The following IDH3B variants were observed in gnomAD, a reference collection of about 807,000 sequenced individuals.
The protein encoded by IDH3B is isocitrate dehydrogenase [NAD] subunit beta, mitochondrial.
A neutral mutation model predicts 47.5 loss-of-function variants in IDH3B; 40 were observed. The observed-to-expected ratio is 0.84, with a 90% CI of 0.65 to 1.10. The LOEUF (loss-of-function observed/expected upper bound fraction) is 1.10. Among genes scored for constraint, IDH3B ranks in the 50% least tolerant of loss-of-function variants. IDH3B has a pLI of 0.00. For missense variants in IDH3B, 450 were observed against 505.2 expected (o/e 0.89, Z 1.05); for synonymous variants, 185 against 191.0 (o/e 0.97, Z 0.26).
At chr20:2,663,810 G>A (rs1000768464) in intron 2 of IDH3B, 52 bp from the exon 3 acceptor site, 12 of 1,603,530 alleles carry the variant, frequency 7.5e-6, no homozygotes, top group Non-Finnish European at 9.4e-6. Flanking sequence ...GCGGGAGCAC[G>A]GATCCTGGGA....
In IDH3B at chr20:2,658,684, C is replaced by A. The variant is rs772565803; in HGVS notation, c.*67G>T. The stretch of plus-strand genomic sequence containing the variant: ...ACTGCTTAGAGGCACAAGGTCTCTT[C>A]CCTGGTACACTGCACTGAAGGGTAT... On this transcript the variant is annotated 3_prime_UTR_variant, in exon 12 of 12. Transcript: ENST00000380843. The A allele has an allele frequency of 1.9e-6, 3 of 1,614,016 alleles. No individual in the cohort carries two copies. Among genetic ancestry groups the A allele is most frequent in the Non-Finnish European group, 2.5e-6 (3 of 1,180,006 alleles).
rs1315325038 is a variant in IDH3B, at chr20:2,663,977, G to GC, written c.64dup (p.Ala22GlyfsTer41). ...GGCCGAGGTACTCAGACCTCTCCAT[G>GC]CCCCAGGGTTCCCGGCGGAGACCAG... is the stretch of plus-strand genomic sequence containing the variant. On this transcript the variant is annotated frameshift_variant, in exon 2 of 12. Transcript: ENST00000380843. LOFTEE classifies it high-confidence loss of function. 1 of 1,614,050 alleles carries GC rather than the reference G, an allele frequency of 6.2e-7. No individual in the cohort carries two copies. The highest frequency in any genetic ancestry group is 2.2e-5 in the East Asian group (1 of 44,900).
chr20:2,659,826 G>T, intron 9 of IDH3B, 33 bp from the exon 10 acceptor site: 2 of 1,535,956 alleles, frequency 1.3e-6, no homozygotes, highest in Non-Finnish European at 1.8e-6. Flanking sequence ...GACACTGGGA[G>T]GAGGCAGGAG....
In IDH3B at chr20:2,659,740, C is replaced by G; in HGVS notation, c.969G>C (p.Thr323=). 1 of 1,614,144 alleles carries G rather than the reference C, an allele frequency of 6.2e-7. No individual in the cohort carries two copies. Among genetic ancestry groups the G allele is most frequent in the Non-Finnish European group, 8.5e-7 (1 of 1,180,020 alleles). ...TGTTGGAAGCCGACAGCAGCATGGC[C>G]GTGGGATTGGCTATATTCCTGCCCA... ...QAVGRNIANP[T]AMLLSASNML... The change falls in exon 10 of 12, where the codon ACG becomes ACC. Residue 323 remains threonine (T), a synonymous_variant. Transcript: ENST00000380843.
In IDH3B at chr20:2,663,144, GAA is replaced by G. The variant is rs113877726; in HGVS notation, c.337+300_337+301del. Among the ~76,000 whole-genome samples the G allele has an allele frequency of 3.0e-4, 40 of 134,708 alleles. No individual in the cohort carries two copies. The East Asian group carries it at 6.7e-3, about 23-fold the overall frequency. The allele number at this position is 134,708 out of a possible 152,430, so 88.4% of individuals were successfully genotyped here. On this transcript the variant is annotated intron_variant, in intron 4 of 11. Coordinates refer to ENST00000380843, the MANE Select transcript of IDH3B (RefSeq NM_006899.5). ...GAAACAAAGAGGAAGGAAGGGAGGG[GAA>G]AAAAAAAAAAAGAAAAGGGGCAGCT...
At chr20:2,659,501 C>G (rs1257079197) in intron 11 of IDH3B, 24 bp downstream of exon 11, 1 of 1,611,468 alleles carries the variant, frequency 6.2e-7, no homozygotes, top group Non-Finnish European at 8.5e-7. Context: ...AATCCTGAAG[C>G]CAGCACTACT....
Position 2,660,805 on chromosome 20 carries a change from G to A in IDH3B, c.423C>T (p.Asn141=), listed in dbSNP as rs372379754. Residue 141 remains asparagine (N), a synonymous_variant, in exon 6 of 12, where the codon AAC becomes AAT. Coordinates refer to ENST00000380843, the MANE Select transcript of IDH3B (RefSeq NM_006899.5). The surrounding 1 kb of genome is among the most constrained non-coding windows in gnomAD (Gnocchi z 5.6). The part of the protein sequence containing the change: ...RLRRKLDLFA[N]VVHVKSLPGY... ...CAGGAAGTGACTTCACATGGACTACGTTGGCAAATAAGTCCAACTTACGCC... is the reference window on the plus strand; with the variant it reads ...CAGGAAGTGACTTCACATGGACTACATTGGCAAATAAGTCCAACTTACGCC... 1.5e-5 allele frequency: 25 copies of A among 1,614,004 alleles called. No individual in the cohort carries two copies. The highest frequency in any genetic ancestry group is 1.1e-4 in the East Asian group (5 of 44,888).
At position 2,658,542 on chromosome 20, in the gene IDH3B, TCATC is replaced by T; in HGVS notation, c.*205_*208del. On this transcript the variant is annotated 3_prime_UTR_variant, in exon 12 of 12. Coordinates refer to ENST00000380843, the MANE Select transcript of IDH3B (RefSeq NM_006899.5). ...TCGAACCTGTGGGGGAGAATCATCA[TCATC>T]CATGTGGCCTGGGCTCCATCCTAAC... 1 of 1,613,746 alleles carries T rather than the reference TCATC, an allele frequency of 6.2e-7. No individual in the cohort carries two copies.
At position 2,660,040 on chromosome 20, in the gene IDH3B, A is replaced by G. The variant is rs1198252155; in HGVS notation, c.905T>C (p.Val302Ala). The G allele has an allele frequency of 6.2e-7, 1 of 1,613,942 alleles. No individual in the cohort carries two copies. The highest frequency in any genetic ancestry group is 8.5e-7 in the Non-Finnish European group (1 of 1,180,002). Residue 302 changes from valine (V) to alanine (A), a missense_variant, in exon 9 of 12, where the codon GTC becomes GCC. Transcript: ENST00000380843. The surrounding 1 kb of genome is among the most constrained non-coding windows in gnomAD (Gnocchi z 5.6). Reference protein sequence around the residue: ...PGESYSAEYAVFETGARHPFA... With the variant: ...PGESYSAEYAAFETGARHPFA... ...AGAAAGCAGCCTCACCGTCTCAAAG[A>G]CTGCGTATTCTGCACTATAGCTCTC...
At position 2,658,410 on chromosome 20, in the gene IDH3B, T is replaced by C; in HGVS notation, c.*341A>G. ...TTCACAAGAGTTGGTTCATGTTCTT[T>C]ATTGAACACCTTACATGGGTATGGA... On this transcript the variant is annotated 3_prime_UTR_variant, in exon 12 of 12. Transcript: ENST00000380843. The C allele has an allele frequency of 1.2e-6, 2 of 1,613,622 alleles. No homozygotes were observed. Among genetic ancestry groups the C allele is most frequent in the South Asian group, 2.2e-5 (2 of 90,936 alleles).
At position 2,658,759 on chromosome 20, in the gene IDH3B, C is replaced by A; in HGVS notation, c.1150G>T (p.Gly384Trp). The stretch of plus-strand genomic sequence containing the variant: ...GGAAGAAATAAAGGGCTCTAGCTCC[C>A]TTTAGTCTGCAGGTGACCGATGACA... ...KSVIGHLQTK[G>W]S The change falls in exon 12 of 12, where the codon GGG becomes TGG. Residue 384 changes from glycine (G) to tryptophan (W), a missense_variant. Coordinates refer to ENST00000380843, the MANE Select transcript of IDH3B (RefSeq NM_006899.5). 1 of 1,614,168 alleles carries A rather than the reference C, an allele frequency of 6.2e-7. No individual in the cohort carries two copies. Among genetic ancestry groups the A allele is most frequent in the Non-Finnish European group, 8.5e-7 (1 of 1,180,030 alleles).
chr20:2,659,069 AGAT>A (rs1421382811), intron 11 of IDH3B: 17 of 1,439,810 alleles, frequency 1.2e-5, no homozygotes, highest in Admixed American at 2.8e-5. Flanking sequence ...GAGCAGGCAA[AGAT>A]GATGGGAAAC....
In IDH3B at chr20:2,660,814, T is replaced by C. The variant is rs1600170019; in HGVS notation, c.414A>G (p.Leu138=). The C allele has an allele frequency of 9.9e-6, 16 of 1,614,174 alleles. 1 individual carries two copies. The Middle Eastern group carries it at 2.6e-3, about 266-fold the overall frequency. ...YDMRLRRKLD[L]FANVVHVKSL... is the part of the protein sequence containing the mutation. ...ACTTCACATGGACTACGTTGGCAAATAAGTCCAACTTACGCCTGAGGGTGG... is the reference window on the plus strand; with the variant it reads ...ACTTCACATGGACTACGTTGGCAAACAAGTCCAACTTACGCCTGAGGGTGG... The change falls in exon 6 of 12, where the codon TTA becomes TTG. Residue 138 remains leucine, a synonymous_variant. Transcript: ENST00000380843. This position sits in a 1 kb window ranked among gnomAD's most constrained non-coding sequence, Gnocchi z 5.6.
intron 4 of IDH3B, among the ~76,000 whole-genome samples, chr20:2,662,606 G>A (rs964412606): frequency 6.6e-6 from 1 of 152,138 alleles, no homozygotes; most frequent in Non-Finnish European, 1.5e-5. Flanking sequence ...ATCACTTGAG[G>A]TCAAGAGTTC....
chr20:2,664,093 C>T (rs2087003935), intron 1 of IDH3B, 60 bp downstream of exon 1: 7 of 1,608,424 alleles, frequency 4.4e-6, no homozygotes, highest in Non-Finnish European at 5.9e-6. Context: ...GTTTAGGAAA[C>T]CCTAGGACAA....
In IDH3B at chr20:2,663,485, C is replaced by T; in HGVS notation, c.298G>A (p.Val100Met). The T allele has an allele frequency of 6.2e-7, 1 of 1,614,226 alleles. No homozygotes were observed. The highest frequency in any genetic ancestry group is 8.5e-7 in the Non-Finnish European group (1 of 1,180,026). Residue 100 changes from valine (V) to methionine (M), a missense_variant, in exon 4 of 12, where the codon GTG (valine) becomes ATG (methionine). By Grantham distance (21) the Val-to-Met change is conservative (BLOSUM62 1). Transcript: ENST00000380843. ...NMASEEKLEQ[V>M]LSSMKENKVA... ...TTGTTCTCCTTCATGGAACTCAGCA[C>T]CTGCTCCAGCTTCTCCTCAGATGCC...
intron 11 of IDH3B, 111 bp downstream of exon 11, chr20:2,659,414 G>GGACTTGGGGGGAAAGGA: frequency 6.5e-7 from 1 of 1,536,488 alleles, no homozygotes; most frequent in Non-Finnish European, 9.0e-7. Context: ...GATGTTCTGG[G>GGACTTGGGGGGAAAGGA]GACCTGGGGG....
rs758263657 is a variant in IDH3B at position 2,663,959 on chromosome 20, G to T, written c.83C>A (p.Thr28Asn). Residue 28 changes from threonine (T) to asparagine (N), a missense_variant, in exon 2 of 12, where the codon ACC becomes AAC. Transcript: ENST00000380843. Reference protein sequence around the residue: ...GNPGAWRGLSTSAAAHAASRS... With the variant: ...GNPGAWRGLSNSAAAHAASRS... ...CGATGCAGCGTGCGCCGCGGCCGAGGTACTCAGACCTCTCCATGCCCCAGG... is the reference window on the plus strand; with the variant it reads ...CGATGCAGCGTGCGCCGCGGCCGAGTTACTCAGACCTCTCCATGCCCCAGG... 3.1e-6 allele frequency: 5 copies of T among 1,614,142 alleles called. No homozygotes were observed. In the South Asian group the frequency reaches 5.5e-5, roughly 18 times the overall value.
rs919677855 is a variant in IDH3B, at chr20:2,658,541, A to G, written c.*210T>C. 69 of 1,613,676 alleles carry G rather than the reference A, an allele frequency of 4.3e-5. No individual in the cohort carries two copies. The highest frequency in any genetic ancestry group is 5.3e-5 in the African/African-American group (4 of 74,914). ...TTCGAACCTGTGGGGGAGAATCATCATCATCCATGTGGCCTGGGCTCCATC... is the reference window on the plus strand; with the variant it reads ...TTCGAACCTGTGGGGGAGAATCATCGTCATCCATGTGGCCTGGGCTCCATC... On this transcript the variant is annotated 3_prime_UTR_variant, in exon 12 of 12. Coordinates refer to ENST00000380843, the MANE Select transcript of IDH3B (RefSeq NM_006899.5).
Sources: allele counts gnomAD v4.1 joint callset (sites outside exome capture counted in the v4.1 genomes callset), GRCh38; gene constraint gnomAD v4.1.1; non-coding constraint Gnocchi (gnomAD v3.1); transcripts MANE v1.5; gene names NCBI Gene and HGNC (gene_info 2026-07-23, HGNC 2026-07-21).